Variants in CENPP observed in about 807,000 individuals in gnomAD.
CENPP encodes centromere protein P.
In CENPP, 24 loss-of-function variants were observed where a neutral mutation model predicts 35.6. The observed-to-expected ratio is 0.67, with a 90% CI of 0.49 to 0.95. The LOEUF is 0.95. CENPP is among the 40% of genes least tolerant of loss of function. The pLI, the probability that CENPP is intolerant of heterozygous loss-of-function variation, is 0.00. For missense variants in CENPP, 332 were observed against 345.3 expected (o/e 0.96, Z 0.31); for synonymous variants, 120 against 125.5 (o/e 0.96, Z 0.29).
chr9:92,619,364 G>A lies in CENPP; in HGVS notation c.*6215G>A, dbSNP rs1425704395. On this transcript the variant is annotated 3_prime_UTR_variant, in exon 8 of 8. Coordinates refer to ENST00000375587, the MANE Select transcript of CENPP (RefSeq NM_001012267.3). ...CCATGATGTCACATAGGCCAAGGAA[G>A]TTATGTCACTCCGCCATGGAGTCTC... 5.2e-6 allele frequency: 4 copies of A among 767,202 alleles called. No individual in the cohort carries two copies. Among genetic ancestry groups the A allele is most frequent in the South Asian group, 4.8e-5 (3 of 63,068 alleles). The allele number at this position is 767,202 out of a possible 1,614,324, so 47.5% of individuals were successfully genotyped here.
intron 5 of CENPP, chr9:92,600,189 T>G: frequency 1.1e-6 from 1 of 929,708 alleles, no homozygotes; most frequent in Non-Finnish European, 1.5e-6. Context: ...GGAGTTCTTT[T>G]CAACCATGTT....
At chr9:92,561,832 G>A (rs1393688771) in intron 5 of CENPP, among the ~76,000 whole-genome samples, 1 of 152,140 alleles carries the variant, frequency 6.6e-6, no homozygotes, top group Non-Finnish European at 1.5e-5. Context: ...AGCACCTACT[G>A]GCTGCCAGAT....
intron 5 of CENPP, among the ~76,000 whole-genome samples, chr9:92,390,430 T>C (rs1392042831): frequency 6.6e-6 from 1 of 152,212 alleles, no homozygotes; most frequent in Non-Finnish European, 1.5e-5. Context: ...TTTTATTTTT[T>C]TGCTGGCATG....
At chr9:92,440,311 T>G (rs1844352999) in intron 5 of CENPP, among the ~76,000 whole-genome samples, 1 of 151,330 alleles carries the variant, frequency 6.6e-6, no homozygotes, top group Non-Finnish European at 1.5e-5. Context: ...GGGCCACACA[T>G]AAAACACACT....
chr9:92,518,794 C>T (rs1847884218), intron 5 of CENPP, among the ~76,000 whole-genome samples: 1 of 152,136 alleles, frequency 6.6e-6, no homozygotes, highest in East Asian at 1.9e-4. Context: ...AAAGCTGAGG[C>T]ATAAGAATCG....
At chr9:92,370,238 T>A (rs577552738) in intron 4 of CENPP, among the ~76,000 whole-genome samples, 48 of 152,330 alleles carry the variant, frequency 3.2e-4, no homozygotes, top group African/African-American at 9.6e-4. Flanking sequence ...GTTGAAGATT[T>A]TGCATCTGTG....
intron 4 of CENPP, among the ~76,000 whole-genome samples, chr9:92,378,375 G>T (rs1159770380): frequency 2.0e-5 from 3 of 152,134 alleles, no homozygotes; most frequent in African/African-American, 4.8e-5. Context: ...TTGGGTTATT[G>T]TTGTTGTTAA....
intron 5 of CENPP, among the ~76,000 whole-genome samples, chr9:92,426,618 G>A (rs533679950): frequency 6.6e-6 from 1 of 152,320 alleles, no homozygotes; most frequent in Admixed American, 6.5e-5. Flanking sequence ...CGGGTCAACA[G>A]TTCAGGCACC....
chr9:92,477,010 G>A (rs1845735047), intron 5 of CENPP, among the ~76,000 whole-genome samples: 1 of 152,226 alleles, frequency 6.6e-6, no homozygotes, highest in South Asian at 2.1e-4. Context: ...GCTTGGATTG[G>A]AAGGTAGAGA....
chr9:92,338,303 C>T (rs1250275037), intron 3 of CENPP, among the ~76,000 whole-genome samples: 1 of 151,816 alleles, frequency 6.6e-6, no homozygotes, highest in Admixed American at 6.6e-5. Flanking sequence ...CAGAGTGAGA[C>T]TCTGTCACAC....
intron 5 of CENPP, among the ~76,000 whole-genome samples, chr9:92,542,941 A>C (rs1039633827): frequency 6.6e-5 from 10 of 152,168 alleles, no homozygotes; most frequent in Non-Finnish European, 2.9e-5. Flanking sequence ...GTGGATATCC[A>C]GTTTTCTCAG....
chr9:92,380,477 A>T (rs1842218106), intron 5 of CENPP, among the ~76,000 whole-genome samples: 1 of 151,916 alleles, frequency 6.6e-6, no homozygotes, highest in African/African-American at 2.4e-5. Context: ...CTTAAATAAT[A>T]TTTCAGGGTT....
At chr9:92,481,937 T>A (rs1282082675) in intron 5 of CENPP, among the ~76,000 whole-genome samples, 1 of 152,124 alleles carries the variant, frequency 6.6e-6, no homozygotes, top group African/African-American at 2.4e-5. Flanking sequence ...AACTTCATGA[T>A]CATTATTATA....
At chr9:92,386,629 A>G (rs1842432670) in intron 5 of CENPP, among the ~76,000 whole-genome samples, 1 of 152,156 alleles carries the variant, frequency 6.6e-6, no homozygotes, top group African/African-American at 2.4e-5. Context: ...TAATGAGGTG[A>G]GTCCCTATGT....
At chr9:92,407,375 A>G (rs1843334369) in intron 5 of CENPP, among the ~76,000 whole-genome samples, 1 of 152,208 alleles carries the variant, frequency 6.6e-6, no homozygotes, top group South Asian at 2.1e-4. Flanking sequence ...CAGAAATAAC[A>G]TAGATCACCT....
intron 5 of CENPP, among the ~76,000 whole-genome samples, chr9:92,555,214 A>ATTTTTTTTTTTTTTT (rs34701393): frequency 3.2e-5 from 2 of 63,440 alleles, no homozygotes; most frequent in Non-Finnish European, 5.3e-5. Flanking sequence ...TTTTTTGGAA[A>ATTTTTTTTTTTTTTT]TTTTTTTTTT....
At chr9:92,545,593 G>A (rs766631875) in intron 5 of CENPP, among the ~76,000 whole-genome samples, 4 of 152,290 alleles carry the variant, frequency 2.6e-5, no homozygotes, top group Admixed American at 6.5e-5. Context: ...GCTCCACCGC[G>A]TCCAGTCCCA....
chr9:92,502,987 T>C (rs535417615), intron 5 of CENPP, among the ~76,000 whole-genome samples: 22 of 152,114 alleles, frequency 1.4e-4, no homozygotes, highest in Non-Finnish European at 1.0e-4. Flanking sequence ...TTTGTATTTT[T>C]TGTAGAGACA....
chr9:92,472,318 C>G (rs1845551876), intron 5 of CENPP, among the ~76,000 whole-genome samples: 1 of 151,056 alleles, frequency 6.6e-6, no homozygotes, highest in African/African-American at 2.4e-5. Context: ...GATAGTGCCA[C>G]TGCACTCCAG....
Sources: gnomAD v4.1 joint callset for allele counts (sites outside exome capture counted in the v4.1 genomes callset) on GRCh38, gnomAD v4.1.1 for gene constraint, MANE v1.5 for transcripts, NCBI Gene and HGNC (gene_info 2026-07-23, HGNC 2026-07-21) for gene names.